The following AASDH variants were observed in gnomAD, a reference collection of about 807,000 sequenced individuals.
AASDH encodes aminoadipate-semialdehyde dehydrogenase.
AASDH carries 81 observed loss-of-function variants against 102.3 expected under a neutral mutation model. The observed-to-expected ratio is 0.79, with a 90% CI of 0.66 to 0.95. AASDH has a LOEUF of 0.95. Ranked by LOEUF, AASDH falls within the 40% of genes least tolerant of loss-of-function variation. The probability of loss-of-function intolerance (pLI) is 0.00; values close to 1 mark genes in which losing one functional copy is unlikely to be tolerated. For synonymous variants in AASDH, 398 were observed against 454.0 expected (o/e 0.88, Z 1.57); for missense variants, 1,203 against 1,266.2 (o/e 0.95, Z 0.76).
Position 56,383,720 on chromosome 4 carries a change from A to C in AASDH, c.230+350T>G, listed in dbSNP as rs544744785. Among the ~76,000 whole-genome samples the C allele has an allele frequency of 7.2e-5, 11 of 152,316 alleles. No individual in the cohort carries two copies. In the South Asian group the frequency reaches 2.3e-3, roughly 32 times the overall value. ...CCTCAAATTTCAGTTGCGGACAAAA[A>C]ACATAGTCATGTTATCTGTGAAATC... On this transcript the variant is annotated intron_variant, in intron 2 of 14. Coordinates refer to ENST00000205214, the MANE Select transcript of AASDH (RefSeq NM_181806.4).
chr4:56,342,336 T>C (rs1747802148), intron 14 of AASDH, among the ~76,000 whole-genome samples: 2 of 152,094 alleles, frequency 1.3e-5, no homozygotes, highest in South Asian at 4.1e-4. Context: ...GTACTCAAGG[T>C]GATGGACACC....
chr4:56,365,009 A>G (rs1750804746), intron 5 of AASDH, among the ~76,000 whole-genome samples: 1 of 152,186 alleles, frequency 6.6e-6, no homozygotes, highest in Admixed American at 6.5e-5. Context: ...GCTCAAAATA[A>G]AAGGATGGAG....
chr4:56,340,370 G>T (rs1458669592), intron 14 of AASDH, among the ~76,000 whole-genome samples: 1 of 152,120 alleles, frequency 6.6e-6, no homozygotes, highest in Non-Finnish European at 1.5e-5. Flanking sequence ...ATAAATCCAC[G>T]TAGTTACAGC....
Position 56,371,529 on chromosome 4 carries a change from A to G in AASDH, c.783T>C (p.Ile261=), listed in dbSNP as rs1189491047. 1 of 1,613,566 alleles carries G rather than the reference A, an allele frequency of 6.2e-7. No individual in the cohort carries two copies. The highest frequency in any genetic ancestry group is 2.2e-5 in the East Asian group (1 of 44,844). The change falls in exon 5 of 15, where the codon ATT becomes ATC. Residue 261 remains isoleucine, a synonymous_variant. Transcript: ENST00000205214. ...LALSSGASLL[I]VPTSVKLLPS... ...GGAGCAACTTGACGGAAGTTGGTAC[A>G]ATAAGCAGAGAGGCACCACTTGATA...
intron 4 of AASDH, among the ~76,000 whole-genome samples, chr4:56,375,957 A>G (rs527320398): frequency 1.8e-3 from 274 of 150,472 alleles, no homozygotes; most frequent in Non-Finnish European, 3.0e-3. Flanking sequence ...TCCTACTACT[A>G]ATTCATTATT....
At chr4:56,365,454 A>T (rs962355329) in intron 5 of AASDH, among the ~76,000 whole-genome samples, 15 of 152,086 alleles carry the variant, frequency 9.9e-5, no homozygotes, top group Non-Finnish European at 1.9e-4. Flanking sequence ...TCCAAAACTG[A>T]CCAAATAGTT....
chr4:56,359,348 C>T (rs1379234953), intron 5 of AASDH, among the ~76,000 whole-genome samples: 2 of 152,068 alleles, frequency 1.3e-5, no homozygotes, highest in Non-Finnish European at 2.9e-5. Flanking sequence ...TGCCTCCCGC[C>T]TCCCGAGTTC....
chr4:56,358,158 T>C lies in AASDH; in HGVS notation c.862-2735A>G, dbSNP rs572676337. ...ATATACATATATATGTACAAATATA[T>C]ATATAGAAATACAATTGATTTTTGT... is the stretch of plus-strand genomic sequence containing the variant. On this transcript the variant is annotated intron_variant, in intron 5 of 14. Coordinates refer to ENST00000205214, the MANE Select transcript of AASDH (RefSeq NM_181806.4). Among the ~76,000 whole-genome samples, 8 of 152,048 alleles carry C rather than the reference T, an allele frequency of 5.3e-5. No individual in the cohort carries two copies. The South Asian group carries it at 1.7e-3, about 32-fold the overall frequency.
intron 1 of AASDH, 82 bp downstream of exon 1, chr4:56,387,280 T>C (rs1314867328): frequency 6.6e-6 from 1 of 152,334 alleles, no homozygotes; most frequent in Admixed American, 6.5e-5. Context: ...AGCAAATGTA[T>C]GTGGAAGCAG....
At chr4:56,343,489 T>C (rs1747948557) in intron 13 of AASDH, 73 bp downstream of exon 13, 1 of 1,307,386 alleles carries the variant, frequency 7.6e-7, no homozygotes, top group Non-Finnish European at 1.0e-6. Context: ...ACTCAAACTT[T>C]CAAAGCTCAA....
chr4:56,351,280 C>T (rs1748964934), intron 10 of AASDH, 62 bp downstream of exon 10: 1 of 1,000,898 alleles, frequency 1.0e-6, no homozygotes, highest in Non-Finnish European at 1.5e-6. Context: ...AGGATAATAG[C>T]AGTCCCTAAA....
intron 4 of AASDH, among the ~76,000 whole-genome samples, chr4:56,376,881 A>C (rs1484275609): frequency 2.6e-5 from 4 of 151,482 alleles, no homozygotes; most frequent in African/African-American, 4.8e-5. Flanking sequence ...TCCCGGCTAA[A>C]ACAGTGAAAC....
At chr4:56,363,303 C>A (rs1351994544) in intron 5 of AASDH, among the ~76,000 whole-genome samples, 2 of 152,252 alleles carry the variant, frequency 1.3e-5, no homozygotes, top group Non-Finnish European at 2.9e-5. Flanking sequence ...GGGGGCAGGG[C>A]ACAGACAAAC....
chr4:56,378,215 T>TC lies in AASDH; in HGVS notation c.600dup (p.Thr201AspfsTer13). The stretch of plus-strand genomic sequence containing the variant: ...CTGACAATCTTCGGTATCCCTGTAG[T>TC]CCCTGATGTATGTAGAACATAGGCT... On this transcript the variant is annotated frameshift_variant, in exon 4 of 15. Transcript: ENST00000205214. LOFTEE classifies it high-confidence loss of function. The TC allele has an allele frequency of 3.1e-6, 5 of 1,614,110 alleles. No homozygotes were observed. In the South Asian group the frequency reaches 5.5e-5, roughly 18 times the overall value.
intron 5 of AASDH, among the ~76,000 whole-genome samples, chr4:56,370,419 A>T (rs1410559294): frequency 6.6e-6 from 1 of 152,148 alleles, no homozygotes; most frequent in Non-Finnish European, 1.5e-5. Flanking sequence ...AAGAAAAGAA[A>T]AAACAAAAGA....
At chr4:56,357,678 A>G (rs1463657306) in intron 5 of AASDH, among the ~76,000 whole-genome samples, 1 of 150,328 alleles carries the variant, frequency 6.7e-6, no homozygotes, top group Non-Finnish European at 1.5e-5. Context: ...TATATATTCC[A>G]TTTATATAAA....
intron 5 of AASDH, among the ~76,000 whole-genome samples, chr4:56,361,210 G>A (rs1163156189): frequency 2.6e-5 from 4 of 152,168 alleles, no homozygotes; most frequent in South Asian, 2.1e-4. Context: ...TCAGGAGTTC[G>A]AGACCAGCCT....
At chr4:56,376,345 C>CA (rs575480628) in intron 4 of AASDH, among the ~76,000 whole-genome samples, 437 of 152,234 alleles carry the variant, frequency 2.9e-3, no homozygotes, top group African/African-American at 1.0e-2. Flanking sequence ...ATCTTAAAGA[C>CA]AAAACACCTG....
intron 4 of AASDH, among the ~76,000 whole-genome samples, chr4:56,374,909 T>C (rs1314338063): frequency 6.6e-6 from 1 of 152,182 alleles, no homozygotes; most frequent in African/African-American, 2.4e-5. Context: ...GTTTAAAAAA[T>C]TGTTATCCTT....
Sources: allele counts gnomAD v4.1 joint callset (sites outside exome capture counted in the v4.1 genomes callset), GRCh38; gene constraint gnomAD v4.1.1; transcripts MANE v1.5; gene names NCBI Gene and HGNC (gene_info 2026-07-23, HGNC 2026-07-21).